MBNL3: variants seen among roughly 807,000 people sequenced by gnomAD.
MBNL3 encodes the protein muscleblind-like protein 3.
Under a neutral mutation model 24.5 loss-of-function variants are expected in MBNL3, and 6 were observed. The observed-to-expected ratio is 0.25, with a 90% CI of 0.13 to 0.48. The LOEUF (loss-of-function observed/expected upper bound fraction) is 0.48. MBNL3 is among the 20% of genes least tolerant of loss of function. The pLI is 0.99. For synonymous variants in MBNL3, 100 were observed against 101.7 expected (o/e 0.98, Z 0.10); for missense variants, 230 against 293.5 (o/e 0.78, Z 1.58).
chrX:132,474,114 A>T (rs2148525518), intron 1 of MBNL3, among the ~76,000 whole-genome samples: 1 of 111,139 alleles, frequency 9.0e-6, no homozygotes, highest in Non-Finnish European at 1.9e-5. Flanking sequence ...GAGGTTTGTT[A>T]TTTTTTTTAT....
rs1933585706 is a variant in MBNL3, at chrX:132,371,245, T to C, written c.*8421A>G. On this transcript the variant is annotated 3_prime_UTR_variant, in exon 9 of 9. Transcript: ENST00000370853. The stretch of plus-strand genomic sequence containing the variant: ...CAACCTCCTCCCCGACCCTCTTCAC[T>C]GTTAAGAGACACATCAGTAATACTT... 1 of 111,401 alleles carries C rather than the reference T, an allele frequency of 9.0e-6. No individual in the cohort carries two copies. The highest frequency in any genetic ancestry group is 1.9e-5 in the Non-Finnish European group (1 of 53,052). The allele number at this position is 111,401 out of a possible 1,213,427, so 9.2% of individuals were successfully genotyped here.
chrX:132,393,825 C>T (rs1937561021), intron 3 of MBNL3, among the ~76,000 whole-genome samples: 1 of 110,842 alleles, frequency 9.0e-6, no homozygotes, highest in South Asian at 3.8e-4. Context: ...CCAAACTGTG[C>T]CCATACCTGC....
chrX:132,399,933 G>C (rs1350213316), intron 3 of MBNL3, among the ~76,000 whole-genome samples: 8 of 111,063 alleles, frequency 7.2e-5, no homozygotes, highest in Non-Finnish European at 5.7e-5. Flanking sequence ...GAAGCTCACA[G>C]GCCACCATGG....
intron 1 of MBNL3, among the ~76,000 whole-genome samples, chrX:132,484,716 T>G (rs1431825423): frequency 9.0e-6 from 1 of 111,717 alleles, no homozygotes; most frequent in African/African-American, 3.3e-5. Flanking sequence ...AGGCCCTTTA[T>G]TTCTAAGCCC....
chrX:132,443,987 G>GCC, intron 1 of MBNL3, among the ~76,000 whole-genome samples: 1 of 4,921 alleles, frequency 2.0e-4, no homozygotes, highest in Non-Finnish European at 3.3e-4. Flanking sequence ...TCCAGAGTCC[G>GCC]CCCCCCCCCC....
intron 2 of MBNL3, chrX:132,431,884 C>A (rs1468670617): frequency 9.0e-6 from 1 of 111,573 alleles, no homozygotes; most frequent in Non-Finnish European, 1.9e-5. Context: ...AAAATAGGCT[C>A]TCATTATCTA....
intron 2 of MBNL3, among the ~76,000 whole-genome samples, chrX:132,407,923 C>T (rs1942076954): frequency 9.2e-6 from 1 of 108,766 alleles, no homozygotes; most frequent in Non-Finnish European, 1.9e-5. Flanking sequence ...CCTCCTCCCA[C>T]ACCCTAACAT....
chrX:132,373,527 G>A lies in MBNL3; in HGVS notation c.*6139C>T, dbSNP rs1252296344. 1 of 111,672 alleles carries A rather than the reference G, an allele frequency of 9.0e-6. No individual in the cohort carries two copies. Among genetic ancestry groups the A allele is most frequent in the African/African-American group, 3.2e-5 (1 of 30,770 alleles). 9.2% of individuals were successfully genotyped at this position (111,672 alleles called of 1,213,427 possible). A position where few individuals can be genotyped will look rare whatever the true frequency, so the allele number is the denominator to read the frequency against. ...AGGTATTGGACAACTGTAAGGCTTG[G>A]ATTGCTTTCTGGCTTTGGCTTATTT... is the stretch of plus-strand genomic sequence containing the variant. On this transcript the variant is annotated 3_prime_UTR_variant, in exon 9 of 9. Coordinates refer to ENST00000370853, the MANE Select transcript of MBNL3 (RefSeq NM_001386889.1).
At chrX:132,412,837 C>A (rs1441058474) in intron 2 of MBNL3, among the ~76,000 whole-genome samples, 1 of 112,089 alleles carries the variant, frequency 8.9e-6, no homozygotes, top group Non-Finnish European at 1.9e-5. Flanking sequence ...TACAAACCAG[C>A]CAACCAGAAT....
At chrX:132,409,120 G>A (rs896736457) in intron 2 of MBNL3, among the ~76,000 whole-genome samples, 2 of 112,157 alleles carry the variant, frequency 1.8e-5, no homozygotes, top group African/African-American at 6.5e-5. Flanking sequence ...TAGAACTCAG[G>A]ATAATATATT....
intron 2 of MBNL3, chrX:132,437,837 C>A (rs190325148): frequency 8.9e-5 from 33 of 372,663 alleles, no homozygotes; most frequent in Non-Finnish European, 1.1e-4. Flanking sequence ...AAAATAAGTT[C>A]TTTAGTCATA....
chrX:132,396,524 A>ATATATATGAATATATATATTCC (rs1938639359), intron 3 of MBNL3, among the ~76,000 whole-genome samples: 15 of 51,546 alleles, frequency 2.9e-4, no homozygotes, highest in Non-Finnish European at 3.9e-4. Context: ...ATATATTCAT[A>ATATATATGAATATATATATTCC]TATATATTCA....
rs1466097223 is a variant in MBNL3 at position 132,372,768 on chromosome X, A to AT, written c.*6897dup. ...TACTTTTAGGTCTTGTTACAGAGGT[A>AT]TTTTTTAAAAAACTAATATGATGTA... On this transcript the variant is annotated 3_prime_UTR_variant, in exon 9 of 9. Transcript: ENST00000370853. 1 of 111,188 alleles carries AT rather than the reference A, an allele frequency of 9.0e-6. No homozygotes were observed. The highest frequency in any genetic ancestry group is 1.9e-5 in the Non-Finnish European group (1 of 52,908). 9.2% of individuals were successfully genotyped at this position (111,188 alleles called of 1,213,427 possible). A position where few individuals can be genotyped will look rare whatever the true frequency, so the allele number is the denominator to read the frequency against.
chrX:132,373,647 G>C lies in MBNL3; in HGVS notation c.*6019C>G, dbSNP rs918833792. On this transcript the variant is annotated 3_prime_UTR_variant, in exon 9 of 9. Transcript: ENST00000370853. ...CCTTCTCTAGGTACTACAAGTACCT[G>C]TAGTGATCAAATGCTTAACCTTTCT... The C allele has an allele frequency of 8.9e-6, 1 of 111,850 alleles. No individual in the cohort carries two copies. The highest frequency in any genetic ancestry group is 3.2e-5 in the African/African-American group (1 of 30,824). 9.2% of individuals were successfully genotyped at this position (111,850 alleles called of 1,213,427 possible).
At chrX:132,431,080 T>C (rs5977705) in intron 2 of MBNL3, 43,632 of 111,127 alleles carry the variant, frequency 0.39, 7,981 homozygotes, top group African/African-American at 0.71. Flanking sequence ...GTCTATTTTT[T>C]ATTGATAAAT....
intron 2 of MBNL3, among the ~76,000 whole-genome samples, chrX:132,412,935 C>T (rs1942932487): frequency 8.9e-6 from 1 of 112,543 alleles, no homozygotes; most frequent in South Asian, 3.7e-4. Flanking sequence ...TTACTAGACG[C>T]TGTCTTTAGA....
chrX:132,486,492 G>A (rs916442229), intron 1 of MBNL3, among the ~76,000 whole-genome samples: 1 of 112,119 alleles, frequency 8.9e-6, no homozygotes, highest in Non-Finnish European at 1.9e-5. Context: ...AAAGCATGAA[G>A]TATACAAGTG....
chrX:132,387,991 G>A (rs970270210), intron 5 of MBNL3, among the ~76,000 whole-genome samples: 5 of 110,584 alleles, frequency 4.5e-5, no homozygotes, highest in African/African-American at 1.3e-4. Flanking sequence ...CAAATTGCAC[G>A]TTACTTAAAA....
At chrX:132,467,446 T>C (rs1603265854) in intron 1 of MBNL3, among the ~76,000 whole-genome samples, 1 of 112,233 alleles carries the variant, frequency 8.9e-6, no homozygotes, top group Non-Finnish European at 1.9e-5. Flanking sequence ...GCATTTTATT[T>C]AAGGGAAGTT....
Sources: gnomAD v4.1 joint callset for allele counts (sites outside exome capture counted in the v4.1 genomes callset) on GRCh38, gnomAD v4.1.1 for gene constraint, MANE v1.5 for transcripts, NCBI Gene and HGNC (gene_info 2026-07-23, HGNC 2026-07-21) for gene names.